SLC6A17: variants seen among roughly 807,000 people sequenced by gnomAD.
SLC6A17 encodes the protein solute carrier family 6 member 17.
SLC6A17 carries 21 observed loss-of-function variants against 64.5 expected under a neutral mutation model. That is an observed-to-expected ratio of 0.33 (90% CI 0.23 to 0.47). The LOEUF (loss-of-function observed/expected upper bound fraction) is 0.47, where lower values mean the gene tolerates loss of function less well. Ranked by LOEUF, SLC6A17 falls within the 20% of genes least tolerant of loss-of-function variation. The pLI is 1.00. For synonymous variants in SLC6A17, 372 were observed against 399.5 expected (o/e 0.93, Z 0.82); for missense variants, 682 against 963.2 (o/e 0.71, Z 3.86).
chr1:110,151,987 T>C (rs1396237441), intron 1 of SLC6A17, among the ~76,000 whole-genome samples: 1 of 152,114 alleles, frequency 6.6e-6, no homozygotes, highest in Non-Finnish European at 1.5e-5. Flanking sequence ...ACAAAGACAA[T>C]CCTGTAATGG....
chr1:110,188,766 C>T (rs776301585), intron 6 of SLC6A17, among the ~76,000 whole-genome samples: 10 of 152,222 alleles, frequency 6.6e-5, no homozygotes, highest in African/African-American at 1.7e-4. Flanking sequence ...TAGCCTTCTC[C>T]GGATACTGCC....
intron 9 of SLC6A17, chr1:110,195,001 G>A (rs1656923423): frequency 1.7e-6 from 1 of 592,540 alleles, no homozygotes; most frequent in South Asian, 2.0e-5. Context: ...CCTGCATCTA[G>A]GCCCCTTTGT....
At position 110,193,671 on chromosome 1, in the gene SLC6A17, G is replaced by A. The variant is rs180786692; in HGVS notation, c.1300-908G>A. ...TCCTACACCCCAACCCTTTCCCTGC[G>A]GATCAAGAGCAAAAGAGCCCAATCT... On this transcript the variant is annotated intron_variant, in intron 8 of 11. Transcript: ENST00000331565. Among the ~76,000 whole-genome samples the A allele has an allele frequency of 2.0e-5, 3 of 152,312 alleles. No individual in the cohort carries two copies. The South Asian group carries it at 6.2e-4, about 32-fold the overall frequency.
chr1:110,157,589 AAAAAT>A (rs993985321), intron 1 of SLC6A17, among the ~76,000 whole-genome samples: 1 of 152,084 alleles, frequency 6.6e-6, no homozygotes, highest in African/African-American at 2.4e-5. Flanking sequence ...ATAAATAAAT[AAAAAT>A]AAAATAAAAT....
chr1:110,161,461 T>A (rs1177630326), intron 1 of SLC6A17, among the ~76,000 whole-genome samples: 1 of 151,896 alleles, frequency 6.6e-6, no homozygotes, highest in Non-Finnish European at 1.5e-5. Context: ...TTTAAGGATG[T>A]GCTTGGCCAC....
At chr1:110,160,745 T>A (rs912042913) in intron 1 of SLC6A17, among the ~76,000 whole-genome samples, 1 of 151,280 alleles carries the variant, frequency 6.6e-6, no homozygotes, top group Non-Finnish European at 1.5e-5. Flanking sequence ...CTAGAGTGAG[T>A]GGTGAGTGGG....
In SLC6A17 at chr1:110,188,499, A is replaced by C. The variant is rs376717943; in HGVS notation, c.865-3473A>C. The stretch of plus-strand genomic sequence containing the variant: ...AGCAGATGATTTTGCCTCCTGCTTT[A>C]CAGGGAAAACAGAAGCTGCCAAGAA... On this transcript the variant is annotated intron_variant, in intron 6 of 11. Transcript: ENST00000331565. Among the ~76,000 whole-genome samples, 12 of 152,168 alleles carry C rather than the reference A, an allele frequency of 7.9e-5. No individual in the cohort carries two copies. In the East Asian group the frequency reaches 2.1e-3, roughly 27 times the overall value.
In SLC6A17 at chr1:110,197,496, T is replaced by C. The variant is rs1441384066; in HGVS notation, c.1712T>C (p.Met571Thr). Residue 571 changes from methionine (M) to threonine (T), a missense_variant, in exon 11 of 12, where the codon ATG becomes ACG. Met to Thr is a moderately conservative substitution (Grantham distance 81, BLOSUM62 -1). Transcript: ENST00000331565. Reference protein sequence around the residue: ...GFRPYRFYFYMWKFVSPLCMA... With the variant: ...GFRPYRFYFYTWKFVSPLCMA... ...CGCCCCTACCGCTTCTATTTCTACA[T>C]GTGGAAGTTCGTGTCTCCACTATGC... 6.2e-7 allele frequency: 1 copy of C among 1,613,794 alleles called. No individual in the cohort carries two copies. Among genetic ancestry groups the C allele is most frequent in the East Asian group, 2.2e-5 (1 of 44,866 alleles).
At chr1:110,191,323 G>A (rs1656819340) in intron 6 of SLC6A17, among the ~76,000 whole-genome samples, 1 of 152,200 alleles carries the variant, frequency 6.6e-6, no homozygotes, top group Non-Finnish European at 1.5e-5. Flanking sequence ...TTTGGAAATT[G>A]CTCCATGCCA....
At chr1:110,159,654 A>G (rs543606056) in intron 1 of SLC6A17, among the ~76,000 whole-genome samples, 11 of 152,350 alleles carry the variant, frequency 7.2e-5, no homozygotes, top group Non-Finnish European at 1.5e-4. Context: ...TCTACAAAGT[A>G]GGGAAGGTAC....
In SLC6A17 at chr1:110,192,526, G is replaced by C. The variant is rs776604261; in HGVS notation, c.1127G>C (p.Gly376Ala). Residue 376 changes from glycine (G) to alanine (A), a missense_variant, in exon 8 of 12, where the codon GGG becomes GCG. By Grantham distance (60) the Gly-to-Ala change is moderately conservative (BLOSUM62 0). Transcript: ENST00000331565. This position sits in a 1 kb window ranked among gnomAD's most constrained non-coding sequence, Gnocchi z 4.3. ...CVVENAEKIL[G>A]YLNTNVLSRD... ...TGCAGGAATGCTGAGAAAATCCTAGGGTACCTTAACACCAACGTCCTGAGC... is the reference window on the plus strand; with the variant it reads ...TGCAGGAATGCTGAGAAAATCCTAGCGTACCTTAACACCAACGTCCTGAGC... 15 of 1,613,632 alleles carry C rather than the reference G, an allele frequency of 9.3e-6. No homozygotes were observed. Among genetic ancestry groups the C allele is most frequent in the East Asian group, 4.5e-5 (2 of 44,876 alleles).
chr1:110,199,882 TG>T lies in SLC6A17; in HGVS notation c.*1443del. On this transcript the variant is annotated 3_prime_UTR_variant, in exon 12 of 12. Coordinates refer to ENST00000331565, the MANE Select transcript of SLC6A17 (RefSeq NM_001010898.4). ...ATAGATGGATGGATGGGTTGGGGAG[TG>T]GGGGTGGATGGATGGATAGATGGAT... 1 of 295,192 alleles carries T rather than the reference TG, an allele frequency of 3.4e-6. No homozygotes were observed. Among genetic ancestry groups the T allele is most frequent in the East Asian group, 4.3e-5 (1 of 23,214 alleles). 18.3% of individuals were successfully genotyped at this position (295,192 alleles called of 1,614,324 possible).
At chr1:110,160,027 A>G (rs543074755) in intron 1 of SLC6A17, among the ~76,000 whole-genome samples, 2 of 152,354 alleles carry the variant, frequency 1.3e-5, no homozygotes, top group East Asian at 3.9e-4. Context: ...AAATCTGTGA[A>G]ATGGAATAAA....
chr1:110,167,443 A>G (rs148163811), intron 2 of SLC6A17, among the ~76,000 whole-genome samples: 1 of 152,270 alleles, frequency 6.6e-6, no homozygotes, highest in East Asian at 1.9e-4. Context: ...CTGGGTTCAG[A>G]TTCCAGCCCT....
Position 110,185,194 on chromosome 1 carries a change from T to C in SLC6A17, c.865-6778T>C, listed in dbSNP as rs948212711. On this transcript the variant is annotated intron_variant, in intron 6 of 11. Coordinates refer to ENST00000331565, the MANE Select transcript of SLC6A17 (RefSeq NM_001010898.4). Reference sequence around the variant, plus strand: ...GCCCTGAGGGTCTCAGTTTCCGCAATGGCAAGATGGGGTGGACAGTGGCAC... The same window carrying C: ...GCCCTGAGGGTCTCAGTTTCCGCAACGGCAAGATGGGGTGGACAGTGGCAC... Among the ~76,000 whole-genome samples the C allele has an allele frequency of 9.9e-5, 15 of 152,212 alleles. No homozygotes were observed. The East Asian group carries it at 2.1e-3, about 21-fold the overall frequency.
At chr1:110,185,323 C>T (rs902104242) in intron 6 of SLC6A17, among the ~76,000 whole-genome samples, 1 of 152,242 alleles carries the variant, frequency 6.6e-6, no homozygotes, top group African/African-American at 2.4e-5. Flanking sequence ...GTGAAGGTGA[C>T]ACTGTTCTTG....
At chr1:110,170,964 C>G (rs926765704) in intron 2 of SLC6A17, among the ~76,000 whole-genome samples, 6 of 152,220 alleles carry the variant, frequency 3.9e-5, no homozygotes, top group Non-Finnish European at 8.8e-5. Context: ...TGTTACTCCA[C>G]TGTCCCCCCG....
chr1:110,171,914 A>G, intron 2 of SLC6A17, 146 bp from the exon 3 acceptor site: 3 of 1,083,640 alleles, frequency 2.8e-6, no homozygotes, highest in East Asian at 2.6e-5. Flanking sequence ...GTATGGCCAC[A>G]TCATTCATGG....
At position 110,197,475 on chromosome 1, in the gene SLC6A17, C is replaced by T; in HGVS notation, c.1691C>T (p.Pro564Leu). 6.2e-7 allele frequency: 1 copy of T among 1,613,538 alleles called. No homozygotes were observed. Among genetic ancestry groups the T allele is most frequent in the East Asian group, 2.2e-5 (1 of 44,866 alleles). ...QELTEMLGFR[P>L]YRFYFYMWKF... The stretch of plus-strand genomic sequence containing the variant: ...CTGACGGAGATGCTGGGCTTCCGCC[C>T]CTACCGCTTCTATTTCTACATGTGG... Residue 564 changes from proline (P) to leucine (L), a missense_variant, in exon 11 of 12, where the codon CCC becomes CTC. This residue lies in a region of SLC6A17 where 264 missense variants were observed against 339.5 expected (regional missense o/e 0.78). Coordinates refer to ENST00000331565, the MANE Select transcript of SLC6A17 (RefSeq NM_001010898.4).
Sources: allele counts gnomAD v4.1 joint callset (sites outside exome capture counted in the v4.1 genomes callset), GRCh38; gene constraint gnomAD v4.1.1; regional missense constraint gnomAD v4.1.1; non-coding constraint Gnocchi (gnomAD v3.1); transcripts MANE v1.5; gene names NCBI Gene and HGNC (gene_info 2026-07-23, HGNC 2026-07-21).